Variants in ANOS1 observed in about 807,000 individuals in gnomAD.
The protein encoded by ANOS1 is anosmin 1, also known as anosmin-1.
In ANOS1, 6 loss-of-function variants were observed where a neutral mutation model predicts 59.0. The ratio of observed to expected loss-of-function variants is 0.10; its 90% confidence interval spans 0.06 to 0.20. ANOS1 has a LOEUF of 0.20. Ranked by LOEUF, ANOS1 falls within the 10% of genes least tolerant of loss-of-function variation. ANOS1 has a pLI of 1.00. For missense variants in ANOS1, 433 were observed against 542.3 expected (o/e 0.80, Z 2.00); for synonymous variants, 217 against 223.4 (o/e 0.97, Z 0.25).
At chrX:8,613,471 C>G (rs1353500753) in intron 3 of ANOS1, among the ~76,000 whole-genome samples, 2 of 110,804 alleles carry the variant, frequency 1.8e-5, no homozygotes, top group African/African-American at 6.6e-5. Flanking sequence ...AGTGATCCTC[C>G]CGTCTTGGCC....
chrX:8,731,460 G>C lies in ANOS1; in HGVS notation c.207+370C>G, dbSNP rs192514938. On this transcript the variant is annotated intron_variant, in intron 1 of 13. Transcript: ENST00000262648. ...TCCCTCCCAGTGCCCCGGAGCGCCT[G>C]GGACTTTGCGGGAGTCGCCGCCCGC... Among the ~76,000 whole-genome samples, 24 of 111,422 alleles carry C rather than the reference G, an allele frequency of 2.2e-4. No individual in the cohort carries two copies. In the East Asian group the frequency reaches 6.7e-3, roughly 31 times the overall value.
intron 2 of ANOS1, among the ~76,000 whole-genome samples, chrX:8,699,471 C>T (rs995487519): frequency 4.5e-5 from 5 of 111,717 alleles, no homozygotes; most frequent in Admixed American, 9.5e-5. Context: ...GTGGTAGCTA[C>T]GTAAATCCAA....
At chrX:8,679,140 A>T (rs922320160) in intron 2 of ANOS1, among the ~76,000 whole-genome samples, 2 of 111,776 alleles carry the variant, frequency 1.8e-5, no homozygotes, top group African/African-American at 6.5e-5. Context: ...TTATAAAATC[A>T]TGGGTTCATA....
At chrX:8,658,563 A>C (rs149210812) in intron 2 of ANOS1, among the ~76,000 whole-genome samples, 1 of 112,374 alleles carries the variant, frequency 8.9e-6, no homozygotes, top group Non-Finnish European at 1.9e-5. Flanking sequence ...TCTGGGACTG[A>C]ATGTATGAAT....
chrX:8,702,895 T>C (rs1932763622), intron 1 of ANOS1, among the ~76,000 whole-genome samples: 1 of 112,080 alleles, frequency 8.9e-6, no homozygotes, highest in African/African-American at 3.2e-5. Flanking sequence ...AGCACCATCT[T>C]GGTTGGAAGG....
rs780843751 is a variant in ANOS1 at position 8,568,388 on chromosome X, G to C, written c.1063-12C>G. Reference sequence around the variant, plus strand: ...ACAGAATTTTGAAACTAGAAATTAAGAGAATATACCCAAAATGCGTTACAA... The same window carrying C: ...ACAGAATTTTGAAACTAGAAATTAACAGAATATACCCAAAATGCGTTACAA... On this transcript the variant is annotated splice_polypyrimidine_tract_variant and intron_variant, in intron 7 of 13. Coordinates refer to ENST00000262648, the MANE Select transcript of ANOS1 (RefSeq NM_000216.4). 4 of 1,201,765 alleles carry C rather than the reference G, an allele frequency of 3.3e-6. No individual in the cohort carries two copies. The highest frequency in any genetic ancestry group is 3.4e-6 in the Non-Finnish European group (3 of 886,657).
rs1249158590 is a variant in ANOS1, at chrX:8,699,730, C to G, written c.223G>C (p.Val75Leu). 8.4e-7 allele frequency: 1 copy of G among 1,195,605 alleles called. No homozygotes were observed. Among genetic ancestry groups the G allele is most frequent in the African/African-American group, 1.8e-5 (1 of 56,773 alleles). ...FQHFQNNGSL[V>L]WCQNHKQCSK... ...CATTGCTTGTGATTCTGGCACCAAA[C>G]CAGGGAACCATTGTTCTGCAAAAAG... The change falls in exon 2 of 14, where the codon GTT (valine) becomes CTT (leucine). Residue 75 changes from valine (V) to leucine (L), a missense_variant. Coordinates refer to ENST00000262648, the MANE Select transcript of ANOS1 (RefSeq NM_000216.4).
intron 4 of ANOS1, among the ~76,000 whole-genome samples, chrX:8,591,252 C>T (rs967050483): frequency 9.0e-6 from 1 of 111,107 alleles, no homozygotes; most frequent in Non-Finnish European, 1.9e-5. Context: ...ATAGTTCTAC[C>T]GAAGGGGATA....
intron 9 of ANOS1, among the ~76,000 whole-genome samples, chrX:8,553,496 CCTAA>C (rs1448763172): frequency 9.0e-6 from 1 of 110,906 alleles, no homozygotes; most frequent in Non-Finnish European, 1.9e-5. Flanking sequence ...ACACACACAC[CCTAA>C]CTGAGTGAAA....
intron 2 of ANOS1, among the ~76,000 whole-genome samples, chrX:8,689,774 AC>A (rs1223480761): frequency 9.3e-6 from 1 of 107,787 alleles, no homozygotes; most frequent in African/African-American, 3.4e-5. Context: ...TAAAAAAAAA[AC>A]AAAAAAAAAA....
intron 1 of ANOS1, among the ~76,000 whole-genome samples, chrX:8,706,239 C>A (rs1370560384): frequency 8.9e-6 from 1 of 112,033 alleles, no homozygotes; most frequent in Non-Finnish European, 1.9e-5. Context: ...AGCCAGGTGT[C>A]GGCATGGAAC....
chrX:8,589,903 A>T (rs1930585787), intron 4 of ANOS1, among the ~76,000 whole-genome samples: 1 of 111,895 alleles, frequency 8.9e-6, no homozygotes. Flanking sequence ...GGATCTTAGA[A>T]CCTTTTTGAT....
At chrX:8,554,415 C>T (rs999235737) in intron 8 of ANOS1, among the ~76,000 whole-genome samples, 11 of 111,157 alleles carry the variant, frequency 9.9e-5, no homozygotes, top group African/African-American at 1.3e-4. Context: ...CAGATAACTA[C>T]GCTTTTCCCA....
intron 6 of ANOS1, among the ~76,000 whole-genome samples, chrX:8,575,411 A>C (rs1225671936): frequency 1.8e-5 from 2 of 112,079 alleles, no homozygotes; most frequent in Non-Finnish European, 3.8e-5. Context: ...TAGTCACATG[A>C]ATATTGCAGA....
At chrX:8,623,080 C>A (rs1201572289) in intron 3 of ANOS1, among the ~76,000 whole-genome samples, 2 of 110,173 alleles carry the variant, frequency 1.8e-5, no homozygotes, top group South Asian at 7.9e-4. Context: ...GGCTTGCTGG[C>A]TGGCTGGCTG....
At chrX:8,535,203 A>G (rs1929568496) in intron 12 of ANOS1, 1 of 145,657 alleles carries the variant, frequency 6.9e-6, no homozygotes, top group African/African-American at 3.2e-5. Flanking sequence ...GGGAAGACGG[A>G]CAAACAACAA....
chrX:8,554,745 T>C (rs1188196712), intron 8 of ANOS1, among the ~76,000 whole-genome samples: 1 of 108,656 alleles, frequency 9.2e-6, no homozygotes, highest in African/African-American at 3.4e-5. Context: ...CTTAGAGACC[T>C]ACAAAGACAC....
chrX:8,693,757 TA>T (rs1476624169), intron 2 of ANOS1, among the ~76,000 whole-genome samples: 7 of 102,667 alleles, frequency 6.8e-5, no homozygotes, highest in African/African-American at 2.5e-4. Flanking sequence ...TTTTTTTTTT[TA>T]GACAGAGTCT....
At chrX:8,603,736 T>G (rs551084607) in intron 3 of ANOS1, among the ~76,000 whole-genome samples, 2 of 112,535 alleles carry the variant, frequency 1.8e-5, no homozygotes, top group African/African-American at 6.5e-5. Flanking sequence ...GCTATTTGGT[T>G]CAATTCAACA....
Sources: allele counts gnomAD v4.1 joint callset (sites outside exome capture counted in the v4.1 genomes callset), GRCh38; gene constraint gnomAD v4.1.1; transcripts MANE v1.5; gene names NCBI Gene and HGNC (gene_info 2026-07-23, HGNC 2026-07-21).